Variants in NUP133 observed in about 807,000 individuals in gnomAD.
NUP133 encodes the protein nuclear pore complex protein Nup133.
Under a neutral mutation model 146.2 loss-of-function variants are expected in NUP133, and 66 were observed. The ratio of observed to expected loss-of-function variants is 0.45; its 90% CI spans 0.37 to 0.55. The LOEUF is 0.55. Among genes scored for constraint, NUP133 ranks in the 20% least tolerant of loss-of-function variants. The pLI is 0.00. For synonymous variants in NUP133, 521 were observed against 498.8 expected (o/e 1.04, Z -0.59); for missense variants, 1,277 against 1,374.8 (o/e 0.93, Z 1.12).
intron 25 of NUP133, 146 bp from the exon 26 acceptor site, chr1:229,442,186 C>T (rs1490849365): frequency 2.6e-6 from 2 of 759,312 alleles, no homozygotes; most frequent in Non-Finnish European, 4.1e-6. Context: ...AAATTCCTTC[C>T]ATCTGTCAAA....
intron 16 of NUP133, 112 bp downstream of exon 16, chr1:229,466,521 TG>T (rs1185194196): frequency 1.4e-5 from 15 of 1,098,244 alleles, no homozygotes; most frequent in Admixed American, 4.9e-5. Flanking sequence ...GATTAACAAA[TG>T]TCTACAACCT....
chr1:229,456,748 T>TAA (rs757178700), intron 21 of NUP133, among the ~76,000 whole-genome samples: 5 of 151,642 alleles, frequency 3.3e-5, no homozygotes, highest in Non-Finnish European at 5.9e-5. Context: ...ATTGTGTATA[T>TAA]ATATATACAC....
chr1:229,464,912 G>A, intron 17 of NUP133, 37 bp from the exon 18 acceptor site: 1 of 1,608,284 alleles, frequency 6.2e-7, no homozygotes, highest in South Asian at 1.1e-5. Context: ...TTAAAGTAAG[G>A]GATCTAGTGA....
rs1660194151 is a variant in NUP133 at position 229,441,993 on chromosome 1, C to CT, written c.3381dup (p.Ala1128SerfsTer22). ...GACTTTAAGCTTCCAAGCTGATCCG[C>CT]TTGTAGCAGGTCTTTCACCTCCGGT... On this transcript the variant is annotated frameshift_variant, in exon 26 of 26. Transcript: ENST00000261396. LOFTEE classifies it high-confidence loss of function. 6.3e-7 allele frequency: 1 copy of CT among 1,591,036 alleles called. No individual in the cohort carries two copies. The highest frequency in any genetic ancestry group is 1.4e-5 in the African/African-American group (1 of 73,488).
At chr1:229,450,738 T>TGTTTG (rs112386964) in intron 22 of NUP133, 133 bp from the exon 23 acceptor site, 18 of 471,824 alleles carry the variant, frequency 3.8e-5, no homozygotes, top group African/African-American at 4.2e-5. Flanking sequence ...TTTGTTTGTT[T>TGTTTG]TTTTTGAGAC....
At chr1:229,507,920 T>C in intron 1 of NUP133, 148 bp downstream of exon 1, 1 of 1,261,630 alleles carries the variant, frequency 7.9e-7, no homozygotes, top group South Asian at 3.3e-5. Flanking sequence ...AGATACTACC[T>C]GCAGCAGTGG....
chr1:229,488,277 T>A (rs939971971), intron 9 of NUP133, among the ~76,000 whole-genome samples: 1 of 152,252 alleles, frequency 6.6e-6, no homozygotes, highest in South Asian at 2.1e-4. Flanking sequence ...ATTGGCAATT[T>A]TTTATAAATA....
intron 17 of NUP133, 83 bp from the exon 18 acceptor site, chr1:229,464,958 C>A: frequency 3.3e-6 from 5 of 1,506,364 alleles, no homozygotes; most frequent in Non-Finnish European, 3.6e-6. Flanking sequence ...AAAAATTATG[C>A]CTCTTCATCA....
Position 229,499,745 on chromosome 1 carries a change from T to A in NUP133, c.587A>T (p.Tyr196Phe), listed in dbSNP as rs1052414386. ...TCCCGAATCTACAAAAGCCTCTGTGTAGGTATCTTCACCAGCAAGGCTTGG... is the reference window on the plus strand; with the variant it reads ...TCCCGAATCTACAAAAGCCTCTGTGAAGGTATCTTCACCAGCAAGGCTTGG... ...YWPSLAGEDT[Y>F]TEAFVDSGGD... The change falls in exon 5 of 26, where the codon TAC becomes TTC. Residue 196 changes from tyrosine (Y) to phenylalanine (F), a missense_variant. By Grantham distance (22) the Tyr-to-Phe change is conservative (BLOSUM62 3). Around this residue, in one of 3 missense-constraint regions of NUP133, gnomAD observed 319 missense variants for 306.9 expected, o/e 1.04. Coordinates refer to ENST00000261396, the MANE Select transcript of NUP133 (RefSeq NM_018230.3). 6.2e-7 allele frequency: 1 copy of A among 1,614,158 alleles called. No homozygotes were observed. Among genetic ancestry groups the A allele is most frequent in the East Asian group, 2.2e-5 (1 of 44,884 alleles).
At chr1:229,446,917 G>A (rs1327661533) in intron 24 of NUP133, among the ~76,000 whole-genome samples, 1 of 152,048 alleles carries the variant, frequency 6.6e-6, no homozygotes, top group Non-Finnish European at 1.5e-5. Flanking sequence ...ACAAGGTCAG[G>A]AGTTCGAGAC....
In NUP133 at chr1:229,477,761, C is replaced by A. The variant is rs1419237291; in HGVS notation, c.1593-1G>T. On this transcript the variant is annotated splice_acceptor_variant, in intron 12 of 25. Coordinates refer to ENST00000261396, the MANE Select transcript of NUP133 (RefSeq NM_018230.3). LOFTEE classifies it high-confidence loss of function. ...CATTTGAGCATGACCTAAATCTTTT[C>A]TGAAATAAAATTGGAAAACACAAGT... 2 of 1,598,828 alleles carry A rather than the reference C, an allele frequency of 1.3e-6. No homozygotes were observed. The highest frequency in any genetic ancestry group is 1.7e-6 in the Non-Finnish European group (2 of 1,171,482).
At chr1:229,473,020 G>A (rs769434598) in intron 14 of NUP133, among the ~76,000 whole-genome samples, 1 of 152,030 alleles carries the variant, frequency 6.6e-6, no homozygotes, top group African/African-American at 2.4e-5. Context: ...GGGAAGCCTA[G>A]GCAAGAGGAT....
chr1:229,451,147 C>G (rs1660439171), intron 22 of NUP133: 1 of 151,904 alleles, frequency 6.6e-6, no homozygotes, highest in Admixed American at 6.6e-5. Flanking sequence ...GTCTATAATC[C>G]CAGCTCTTTG....
intron 1 of NUP133, chr1:229,507,851 G>T: frequency 2.2e-6 from 2 of 908,540 alleles, no homozygotes; most frequent in Admixed American, 6.2e-5. Flanking sequence ...CTGCACAAAG[G>T]TATCCATGAA....
chr1:229,500,662 T>C (rs1661773197), intron 4 of NUP133, 94 bp downstream of exon 4: 5 of 701,678 alleles, frequency 7.1e-6, no homozygotes, highest in Middle Eastern at 2.5e-4. Flanking sequence ...TATAGGTTTA[T>C]AGTTATATCT....
chr1:229,502,289 A>C (rs1210191452), intron 2 of NUP133, among the ~76,000 whole-genome samples, 187 bp from the exon 3 acceptor site: 2 of 152,096 alleles, frequency 1.3e-5, no homozygotes, highest in African/African-American at 4.8e-5. Flanking sequence ...CTTTAGAAAT[A>C]TATCTAACGC....
Position 229,475,721 on chromosome 1 carries a change from A to G in NUP133, c.1768T>C (p.Phe590Leu). 1 of 1,613,640 alleles carries G rather than the reference A, an allele frequency of 6.2e-7. No homozygotes were observed. Among genetic ancestry groups the G allele is most frequent in the African/African-American group, 1.3e-5 (1 of 75,032 alleles). Residue 590 changes from phenylalanine (F) to leucine (L), a missense_variant, in exon 14 of 26, where the codon TTC becomes CTC. Physicochemically the swap from Phe to Leu is conservative, Grantham distance 22 (BLOSUM62 0). Coordinates refer to ENST00000261396, the MANE Select transcript of NUP133 (RefSeq NM_018230.3). ...AGGATAATCAGTGACGTATTGCTGA[A>G]CCCAGGTGCTTCTGTTAAAACACAG... ...AESVPEEAPG[F>L]SNTSLIILHQ...
intron 19 of NUP133, among the ~76,000 whole-genome samples, chr1:229,461,854 G>C (rs1326156746): frequency 2.0e-5 from 3 of 150,198 alleles, no homozygotes; most frequent in East Asian, 3.9e-4. Context: ...GCAATGTTTT[G>C]ATATACTAAA....
intron 25 of NUP133, among the ~76,000 whole-genome samples, chr1:229,443,606 C>T (rs1394874494): frequency 6.6e-6 from 1 of 151,960 alleles, no homozygotes; most frequent in African/African-American, 2.4e-5. Context: ...CCTTTAAAAA[C>T]ACTATTGTAC....
Sources: allele counts gnomAD v4.1 joint callset (sites outside exome capture counted in the v4.1 genomes callset), GRCh38; gene constraint gnomAD v4.1.1; regional missense constraint gnomAD v4.1.1; transcripts MANE v1.5; gene names NCBI Gene and HGNC (gene_info 2026-07-23, HGNC 2026-07-21).